The following ZNF566 variants were observed in gnomAD, a reference collection of about 807,000 sequenced individuals.
The protein encoded by ZNF566 is zinc finger protein 566.
In ZNF566, 27 loss-of-function variants were observed where a neutral mutation model predicts 32.8. That is an observed-to-expected ratio of 0.82 (90% CI 0.61 to 1.14). The LOEUF (loss-of-function observed/expected upper bound fraction) is 1.14, where lower values mean the gene tolerates loss of function less well. Ranked by LOEUF, ZNF566 falls within the 50% of genes most tolerant of loss-of-function variation. The probability of loss-of-function intolerance (pLI) is 0.00; values close to 1 mark genes in which losing one functional copy is unlikely to be tolerated. For missense variants in ZNF566, 402 were observed against 490.4 expected, an observed-to-expected ratio of 0.82 and a Z score of 1.70; for synonymous variants, 154 against 159.5, an observed-to-expected ratio of 0.97 and a Z score of 0.26.
chr19:36,471,912 T>G (rs2033775977), intron 4 of ZNF566, among the ~76,000 whole-genome samples: 1 of 152,050 alleles, frequency 6.6e-6, no homozygotes, highest in Non-Finnish European at 1.5e-5. Flanking sequence ...CCAGCTGATT[T>G]TTGTATTTTT....
chr19:36,467,549 C>A (rs1049506767), intron 4 of ZNF566, among the ~76,000 whole-genome samples: 3 of 150,644 alleles, frequency 2.0e-5, no homozygotes, highest in Non-Finnish European at 4.4e-5. Flanking sequence ...ATAATCCCAG[C>A]ACTTTGGGAG....
chr19:36,477,144 G>A (rs904836934), intron 1 of ZNF566, among the ~76,000 whole-genome samples: 2 of 152,024 alleles, frequency 1.3e-5, no homozygotes, highest in African/African-American at 4.8e-5. Context: ...CCAAGTAGCT[G>A]GGACTACAGG....
At chr19:36,469,932 A>G (rs909463702) in intron 4 of ZNF566, among the ~76,000 whole-genome samples, 1 of 152,084 alleles carries the variant, frequency 6.6e-6, no homozygotes, top group African/African-American at 2.4e-5. Context: ...GAAAAAAAAA[A>G]CAGAATTATA....
chr19:36,480,212 C>T (rs2145701410), intron 1 of ZNF566, among the ~76,000 whole-genome samples: 1 of 151,946 alleles, frequency 6.6e-6, no homozygotes, highest in South Asian at 2.1e-4. Flanking sequence ...AATATAGAGT[C>T]CAGAAAGAGA....
chr19:36,477,300 G>A (rs759303402), intron 1 of ZNF566, among the ~76,000 whole-genome samples: 4 of 152,040 alleles, frequency 2.6e-5, no homozygotes, highest in East Asian at 1.9e-4. Flanking sequence ...ATGAGCCACC[G>A]CGCCTGGCCA....
chr19:36,458,562 C>A (rs746806769), intron 4 of ZNF566, among the ~76,000 whole-genome samples: 10 of 152,060 alleles, frequency 6.6e-5, no homozygotes, highest in Non-Finnish European at 1.3e-4. Context: ...TAAAAAATTT[C>A]TGGAGATCTA....
chr19:36,471,375 C>A (rs147341821), intron 4 of ZNF566, among the ~76,000 whole-genome samples: 4 of 152,206 alleles, frequency 2.6e-5, no homozygotes, highest in African/African-American at 9.6e-5. Context: ...TTGATCTCAT[C>A]TCCCACCCAC....
At chr19:36,473,150 T>A (rs1367539219) in intron 3 of ZNF566, 144 bp from the exon 4 acceptor site, 1 of 1,046,248 alleles carries the variant, frequency 9.6e-7, no homozygotes, top group Non-Finnish European at 1.4e-6. Context: ...TAACGGAAGA[T>A]GTAAAACATC....
intron 1 of ZNF566, 48 bp from the exon 2 acceptor site, chr19:36,476,664 T>A: frequency 6.7e-7 from 1 of 1,490,764 alleles, no homozygotes; most frequent in Non-Finnish European, 9.2e-7. Flanking sequence ...TCCTCACAGC[T>A]CCTGGCCCAG....
At chr19:36,480,885 C>CA (rs1008640102) in intron 1 of ZNF566, among the ~76,000 whole-genome samples, 12 of 150,278 alleles carry the variant, frequency 8.0e-5, no homozygotes, top group South Asian at 2.1e-4. Flanking sequence ...ACTAAAAATA[C>CA]AAAAAAAATT....
At position 36,449,569 on chromosome 19, in the gene ZNF566, G is replaced by A. The variant is rs1340807304; in HGVS notation, c.665C>T (p.Thr222Ile). The A allele has an allele frequency of 1.9e-6, 3 of 1,614,154 alleles. No homozygotes were observed. Among genetic ancestry groups the A allele is most frequent in the Non-Finnish European group, 2.5e-6 (3 of 1,180,014 alleles). The change falls in exon 5 of 5, where the codon ACT becomes ATT. Residue 222 changes from threonine (T) to isoleucine (I), a missense_variant. Thr to Ile is a moderately conservative substitution (Grantham distance 89). Coordinates refer to ENST00000452939, the MANE Select transcript of ZNF566 (RefSeq NM_001145344.1). ...CTTACATTCAAAGGGTTTCTTGCCA[G>A]TATGAATTTTCTGATGATGAGTGAG... ...SRLTHHQKIH[T>I]GKKPFECKEC... is the part of the protein sequence containing the mutation.
chr19:36,476,467 G>T, intron 2 of ZNF566, 82 bp downstream of exon 2: 5 of 1,304,842 alleles, frequency 3.8e-6, no homozygotes, highest in Non-Finnish European at 5.4e-6. Context: ...ACATCAAAAA[G>T]CATCATCATG....
At position 36,465,956 on chromosome 19, in the gene ZNF566, A is replaced by G. The variant is rs76817027; in HGVS notation, c.232+6955T>C. Among the ~76,000 whole-genome samples the G allele has an allele frequency of 5.9e-3, 903 of 151,788 alleles. 9 individuals are homozygous for G. The highest frequency in any genetic ancestry group is 0.02 in the East Asian group (104 of 5,182). On this transcript the variant is annotated intron_variant, in intron 4 of 4. Transcript: ENST00000452939. Reference sequence around the variant, plus strand: ...AATGGAAAAACAGATAAAGAGTAAGAAACACACAGACGTTTTATGTCAGTT... The same window carrying G: ...AATGGAAAAACAGATAAAGAGTAAGGAACACACAGACGTTTTATGTCAGTT...
At chr19:36,466,453 GTA>G (rs1412912371) in intron 4 of ZNF566, among the ~76,000 whole-genome samples, 1 of 152,156 alleles carries the variant, frequency 6.6e-6, no homozygotes, top group Non-Finnish European at 1.5e-5. Context: ...CCAACTATAC[GTA>G]TTTTACATCC....
At chr19:36,463,302 GC>G (rs2033524742) in intron 4 of ZNF566, among the ~76,000 whole-genome samples, 1 of 151,894 alleles carries the variant, frequency 6.6e-6, no homozygotes. Flanking sequence ...TACATCCTAC[GC>G]AATAAACAAC....
At chr19:36,456,435 C>T (rs1372082067) in intron 4 of ZNF566, 1 of 150,062 alleles carries the variant, frequency 6.7e-6, no homozygotes, top group African/African-American at 2.5e-5. Flanking sequence ...CACCTGTAGT[C>T]CCAGATACTC....
At chr19:36,480,309 G>T (rs1169294959) in intron 1 of ZNF566, among the ~76,000 whole-genome samples, 1 of 127,148 alleles carries the variant, frequency 7.9e-6, no homozygotes, top group Non-Finnish European at 1.7e-5. Flanking sequence ...TTTTGAGACA[G>T]AGTCTCACTC....
At chr19:36,483,580 T>C (rs1394488592) in intron 1 of ZNF566, among the ~76,000 whole-genome samples, 1 of 151,804 alleles carries the variant, frequency 6.6e-6, no homozygotes, top group African/African-American at 2.4e-5. Flanking sequence ...GATGGCCAAA[T>C]ATGGGAAAAT....
At chr19:36,463,659 C>T (rs534993108) in intron 4 of ZNF566, among the ~76,000 whole-genome samples, 4 of 150,018 alleles carry the variant, frequency 2.7e-5, no homozygotes, top group African/African-American at 4.9e-5. Flanking sequence ...GCTCATGCCT[C>T]GGACTCCCAA....
Sources: allele counts gnomAD v4.1 joint callset (sites outside exome capture counted in the v4.1 genomes callset), GRCh38; gene constraint gnomAD v4.1.1; transcripts MANE v1.5; gene names NCBI Gene and HGNC (gene_info 2026-07-23, HGNC 2026-07-21).